WWTR1: variants seen among roughly 807,000 people sequenced by gnomAD.
The protein encoded by WWTR1 is WW domain-containing transcription regulator protein 1.
A neutral mutation model predicts 40.1 loss-of-function variants in WWTR1; 13 were observed. That is an observed-to-expected ratio of 0.32 (90% CI 0.21 to 0.52). WWTR1 has a LOEUF of 0.52. Ranked by LOEUF, WWTR1 falls within the 20% of genes least tolerant of loss-of-function variation. The pLI is 0.97. For missense variants in WWTR1, 436 were observed against 523.1 expected (o/e 0.83, Z 1.63); for synonymous variants, 230 against 210.1 (o/e 1.09, Z -0.82).
intron 4 of WWTR1, among the ~76,000 whole-genome samples, chr3:149,719,481 C>A (rs1016546881): frequency 6.6e-6 from 1 of 152,124 alleles, no homozygotes; most frequent in South Asian, 2.1e-4. Context: ...TAAGGCTGAA[C>A]AATATTCTAT....
chr3:149,556,874 C>T (rs373414543), intron 3 of WWTR1, among the ~76,000 whole-genome samples: 1 of 152,020 alleles, frequency 6.6e-6, no homozygotes, highest in South Asian at 2.1e-4. Context: ...ACAAAACATA[C>T]AACAAAAAAA....
In WWTR1 at chr3:149,568,399, G is replaced by A. The variant is rs191321782; in HGVS notation, c.568+4465C>T. On this transcript the variant is annotated intron_variant, in intron 3 of 6. Coordinates refer to ENST00000360632, the MANE Select transcript of WWTR1 (RefSeq NM_015472.6). ...TTATTGCATATGTCTGGGAATTCAG[G>A]CTTAAAGGCCATTACTCTGCTCAGA... Among the ~76,000 whole-genome samples, 137 of 151,674 alleles carry A rather than the reference G, an allele frequency of 9.0e-4. 1 individual carries two copies. Among genetic ancestry groups the A allele is most frequent in the African/African-American group, 3.2e-3 (130 of 41,232 alleles).
Position 149,523,055 on chromosome 3 carries a change from G to C in WWTR1, c.1019-2066C>G, listed in dbSNP as rs570116453. Among the ~76,000 whole-genome samples the C allele has an allele frequency of 3.1e-3, 387 of 125,376 alleles. 2 individuals are homozygous for C. Among genetic ancestry groups the C allele is most frequent in the African/African-American group, 9.9e-3 (368 of 37,264 alleles). The allele number at this position is 125,376 out of a possible 152,430, so 82.3% of individuals were successfully genotyped here. ...CACTCCAGCCTGGGTGACAGAATGA[G>C]ACCCCGTATTAAAAAAAAAAAAAAA... On this transcript the variant is annotated intron_variant, in intron 6 of 6. Coordinates refer to ENST00000360632, the MANE Select transcript of WWTR1 (RefSeq NM_015472.6).
At chr3:149,669,940 T>G (rs897794691) in intron 1 of WWTR1, 1 of 152,212 alleles carries the variant, frequency 6.6e-6, no homozygotes, top group African/African-American at 2.4e-5. Context: ...AGGAGAGTAT[T>G]CAGATTGCAA....
intron 2 of WWTR1, chr3:149,650,039 G>A (rs1453853428): frequency 6.6e-6 from 1 of 152,104 alleles, no homozygotes; most frequent in African/African-American, 2.4e-5. Context: ...TAAGATTAGT[G>A]GTGTGAGTCA....
Position 149,591,544 on chromosome 3 carries a change from T to A in WWTR1, c.432-18544A>T, listed in dbSNP as rs187091158. Among the ~76,000 whole-genome samples the A allele has an allele frequency of 1.5e-4, 23 of 152,324 alleles. No homozygotes were observed. The East Asian group carries it at 3.9e-3, about 26-fold the overall frequency. On this transcript the variant is annotated intron_variant, in intron 2 of 6. Transcript: ENST00000360632. ...TTATAATTGACTATATAACTGTAAT[T>A]ACTTAACTAAAATTCAAGATGTACA...
At chr3:149,708,824 T>C (rs1437786712) in intron 5 of WWTR1, among the ~76,000 whole-genome samples, 1 of 152,116 alleles carries the variant, frequency 6.6e-6, no homozygotes. Context: ...TTTGGAAATA[T>C]ACCCAGAAGA....
At chr3:149,623,051 C>T (rs1294565687) in intron 2 of WWTR1, among the ~76,000 whole-genome samples, 5 of 152,106 alleles carry the variant, frequency 3.3e-5, no homozygotes, top group Non-Finnish European at 1.5e-5. Context: ...ACTCAGGATG[C>T]ATCTTAAAAA....
chr3:149,660,567 C>T (rs917471663), upstream of WWTR1, among the ~76,000 whole-genome samples: 2 of 152,220 alleles, frequency 1.3e-5, no homozygotes, highest in African/African-American at 4.8e-5. Context: ...CCAACAACAG[C>T]TTCAGATTAA....
At chr3:149,638,361 A>T (rs192014866) in intron 2 of WWTR1, among the ~76,000 whole-genome samples, 13 of 152,184 alleles carry the variant, frequency 8.5e-5, no homozygotes, top group Non-Finnish European at 1.5e-5. Context: ...TCACTGCTGT[A>T]TGTACATATA....
intron 3 of WWTR1, among the ~76,000 whole-genome samples, chr3:149,572,602 T>A (rs1413988805): frequency 6.6e-6 from 1 of 152,014 alleles, no homozygotes; most frequent in Non-Finnish European, 1.5e-5. Context: ...ACCGTCTGGG[T>A]GCATGAAGAG....
chr3:149,685,436 T>C (rs13086893), intron 1 of WWTR1, among the ~76,000 whole-genome samples: 9,913 of 152,230 alleles, frequency 0.065, 351 homozygotes, highest in Non-Finnish European at 0.082. Context: ...TTCCCTAGGG[T>C]TCAGTCTACT....
At chr3:149,691,488 T>C (rs1714825598) in intron 1 of WWTR1, among the ~76,000 whole-genome samples, 1 of 151,814 alleles carries the variant, frequency 6.6e-6, no homozygotes, top group Admixed American at 6.6e-5. Flanking sequence ...TTATAACTGA[T>C]ACCACAGAAG....
chr3:149,654,455 C>A (rs1240326400), intron 2 of WWTR1, among the ~76,000 whole-genome samples: 2 of 152,216 alleles, frequency 1.3e-5, no homozygotes, highest in Non-Finnish European at 2.9e-5. Flanking sequence ...GCAGGCCAGC[C>A]TACTACTTAC....
intron 2 of WWTR1, among the ~76,000 whole-genome samples, chr3:149,577,478 G>A (rs372433320): frequency 3.1e-4 from 47 of 152,116 alleles, no homozygotes; most frequent in African/African-American, 1.0e-3. Context: ...GAGCCCCTTG[G>A]ACCACTACTT....
At chr3:149,704,006 T>C (rs1036458345), upstream of WWTR1, among the ~76,000 whole-genome samples, 2 of 152,140 alleles carry the variant, frequency 1.3e-5, no homozygotes, top group African/African-American at 4.8e-5. Flanking sequence ...GAGATGGGCT[T>C]TCCTTCTGTC....
At chr3:149,578,837 G>A (rs1215836447) in intron 2 of WWTR1, among the ~76,000 whole-genome samples, 8 of 152,012 alleles carry the variant, frequency 5.3e-5, no homozygotes, top group Non-Finnish European at 7.4e-5. Context: ...CTGAGAGAGC[G>A]CCATTATTGC....
At chr3:149,682,238 G>A (rs1417671340) in intron 1 of WWTR1, among the ~76,000 whole-genome samples, 3 of 152,082 alleles carry the variant, frequency 2.0e-5, no homozygotes, top group African/African-American at 7.2e-5. Context: ...CTTCAGTCTG[G>A]CTTTGTAACT....
intron 3 of WWTR1, among the ~76,000 whole-genome samples, chr3:149,566,999 C>CT (rs1737357642): frequency 6.6e-6 from 1 of 152,024 alleles, no homozygotes; most frequent in African/African-American, 2.4e-5. Context: ...TCTAGTTGCA[C>CT]TTTACCAAAA....
Sources: gnomAD v4.1 joint callset for allele counts (sites outside exome capture counted in the v4.1 genomes callset) on GRCh38, gnomAD v4.1.1 for gene constraint, MANE v1.5 for transcripts, NCBI Gene and HGNC (gene_info 2026-07-23, HGNC 2026-07-21) for gene names.